Variants in EXOC5 observed in about 807,000 individuals in gnomAD.
The protein encoded by EXOC5 is SEC10-like 1.
A neutral mutation model predicts 90.8 loss-of-function variants in EXOC5; 17 were observed. The ratio of observed to expected loss-of-function variants is 0.19; its 90% CI spans 0.13 to 0.28. The LOEUF (loss-of-function observed/expected upper bound fraction) is 0.28. Among genes scored for constraint, EXOC5 ranks in the 10% least tolerant of loss-of-function variants. The pLI is 1.00. For synonymous variants in EXOC5, 260 were observed against 270.0 expected (o/e 0.96, Z 0.36); for missense variants, 569 against 830.6 (o/e 0.69, Z 3.87).
In EXOC5 at chr14:57,232,733, T is replaced by G; in HGVS notation, c.872A>C (p.Gln291Pro). 6.5e-7 allele frequency: 1 copy of G among 1,529,808 alleles called. No homozygotes were observed. Among genetic ancestry groups the G allele is most frequent in the Non-Finnish European group, 9.0e-7 (1 of 1,116,610 alleles). 94.8% of individuals were successfully genotyped at this position (1,529,808 alleles called of 1,614,324 possible). ...ATCGGACTTCCTACATTCTTCTAACTGCTCTTTCACAAAACTCTAAAAGAA... is the reference window on the plus strand; with the variant it reads ...ATCGGACTTCCTACATTCTTCTAACGGCTCTTTCACAAAACTCTAAAAGAA... Reference protein sequence around the residue: ...EIKLQSFVKEQLEECRKSDAE... With the variant: ...EIKLQSFVKEPLEECRKSDAE... The change falls in exon 10 of 18, where the codon CAG (glutamine) becomes CCG (proline). Residue 291 changes from glutamine (Q) to proline (P), a missense_variant. This residue lies in a region of EXOC5 where 114 missense variants were observed against 111.2 expected (regional missense o/e 1.03). Transcript: ENST00000621441.
intron 1 of EXOC5, among the ~76,000 whole-genome samples, chr14:57,263,233 G>A (rs1884568908): frequency 6.6e-6 from 1 of 152,168 alleles, no homozygotes; most frequent in African/African-American, 2.4e-5. Flanking sequence ...ACCTTGGGAG[G>A]CCCTAGGTGG....
At position 57,247,653 on chromosome 14, in the gene EXOC5, G is replaced by A. The variant is rs372546615; in HGVS notation, c.87C>T (p.Gly29=). 101 of 1,570,316 alleles carry A rather than the reference G, an allele frequency of 6.4e-5. No individual in the cohort carries two copies. The highest frequency in any genetic ancestry group is 4.0e-4 in the Middle Eastern group (2 of 5,038). Residue 29 remains glycine (G), a synonymous_variant, in exon 2 of 18, where the codon GGC becomes GGT. Coordinates refer to ENST00000621441, the MANE Select transcript of EXOC5 (RefSeq NM_006544.4). ...CAAAAGCTTCAGGTCCACCTCTAGA[G>A]CCTCCTCCTGGGGTTCTCCATACAA... is the stretch of plus-strand genomic sequence containing the variant. The part of the protein sequence containing the change: ...ERLVWRTPGG[G]SRGGPEAFDP...
chr14:57,235,694 T>C lies in EXOC5; in HGVS notation c.669+17A>G. On this transcript the variant is annotated intron_variant, in intron 7 of 17. Transcript: ENST00000621441. Reference sequence around the variant, plus strand: ...CATAGCCTTGAACACTATTCATTTTTAATTCCTACTATTTACCTTAAAATG... The same window carrying C: ...CATAGCCTTGAACACTATTCATTTTCAATTCCTACTATTTACCTTAAAATG... The C allele has an allele frequency of 3.9e-6, 5 of 1,273,022 alleles. No individual in the cohort carries two copies. The highest frequency in any genetic ancestry group is 5.6e-6 in the Non-Finnish European group (5 of 894,280). 78.9% of individuals were successfully genotyped at this position (1,273,022 alleles called of 1,614,324 possible).
intron 1 of EXOC5, among the ~76,000 whole-genome samples, chr14:57,250,861 T>C (rs568677266): frequency 5.3e-5 from 8 of 152,354 alleles, no homozygotes; most frequent in African/African-American, 1.9e-4. Flanking sequence ...AGATCTACAA[T>C]GTTTTTCTTA....
chr14:57,237,259 T>C lies in EXOC5; in HGVS notation c.559+79A>G. 6.3e-6 allele frequency: 5 copies of C among 787,856 alleles called. No homozygotes were observed. The South Asian group carries it at 7.6e-5, about 12-fold the overall frequency. The allele number at this position is 787,856 out of a possible 1,614,324, so 48.8% of individuals were successfully genotyped here. ...AGGAAGATGACATTGTTCCTGCTTT[T>C]TCTCCTTTTGCTGTTTTATTTTTAC... On this transcript the variant is annotated intron_variant, in intron 6 of 17. Transcript: ENST00000621441.
In EXOC5 at chr14:57,201,201, GGGCAA is replaced by G. The variant is rs1456946749; in HGVS notation, c.*7403_*7407del. The G allele has an allele frequency of 6.6e-6, 1 of 151,950 alleles. No individual in the cohort carries two copies. Among genetic ancestry groups the G allele is most frequent in the African/African-American group, 2.4e-5 (1 of 41,346 alleles). The allele number at this position is 151,950 out of a possible 1,614,324, so 9.4% of individuals were successfully genotyped here. The stretch of plus-strand genomic sequence containing the variant: ...GGAGGAATGGCTGATTCCAGAGCTG[GGGCAA>G]GGCAAGTACAAGATGACCTTGGAAA... On this transcript the variant is annotated 3_prime_UTR_variant, in exon 18 of 18. Coordinates refer to ENST00000621441, the MANE Select transcript of EXOC5 (RefSeq NM_006544.4).
At chr14:57,220,488 C>A (rs989793249) in intron 13 of EXOC5, among the ~76,000 whole-genome samples, 2 of 151,902 alleles carry the variant, frequency 1.3e-5, no homozygotes, top group African/African-American at 4.8e-5. Flanking sequence ...ACAAACAGTC[C>A]AGCAGCGGCA....
At chr14:57,224,924 T>C (rs1182255716) in intron 12 of EXOC5, among the ~76,000 whole-genome samples, 2 of 151,912 alleles carry the variant, frequency 1.3e-5, no homozygotes, top group African/African-American at 2.4e-5. Flanking sequence ...CAGCCGGGCA[T>C]GGTGGTGGGC....
At chr14:57,263,342 T>C (rs1451357447) in intron 1 of EXOC5, among the ~76,000 whole-genome samples, 2 of 151,962 alleles carry the variant, frequency 1.3e-5, no homozygotes, top group South Asian at 2.1e-4. Flanking sequence ...TGGTGGCACA[T>C]GCCTGTAGTC....
chr14:57,205,844 TC>T lies in EXOC5; in HGVS notation c.*2764del. On this transcript the variant is annotated 3_prime_UTR_variant, in exon 18 of 18. Coordinates refer to ENST00000621441, the MANE Select transcript of EXOC5 (RefSeq NM_006544.4). ...TGATAGTTTTTTAAAACAAGGAAGATCCTAAGGACTTGCAACTATGGCAATC... is the reference window on the plus strand; with the variant it reads ...TGATAGTTTTTTAAAACAAGGAAGATCTAAGGACTTGCAACTATGGCAATC... 2.2e-6 allele frequency: 1 copy of T among 454,474 alleles called. No homozygotes were observed. The highest frequency in any genetic ancestry group is 4.4e-6 in the Non-Finnish European group (1 of 226,292). 28.2% of individuals were successfully genotyped at this position (454,474 alleles called of 1,614,324 possible). A position where few individuals can be genotyped will look rare whatever the true frequency, so the allele number is the denominator to read the frequency against.
At chr14:57,219,671 C>T (rs1891559926) in intron 13 of EXOC5, among the ~76,000 whole-genome samples, 2 of 152,080 alleles carry the variant, frequency 1.3e-5, no homozygotes, top group Admixed American at 1.3e-4. Flanking sequence ...TCTACTTAGC[C>T]TTCATGATTC....
chr14:57,201,568 TTATATATATATA>T lies in EXOC5; in HGVS notation c.*7029_*7040del, dbSNP rs71104542. On this transcript the variant is annotated 3_prime_UTR_variant, in exon 18 of 18. Coordinates refer to ENST00000621441, the MANE Select transcript of EXOC5 (RefSeq NM_006544.4). The stretch of plus-strand genomic sequence containing the variant: ...ACATATATTTTTATATATATTAATA[TTATATATATATA>T]TATATATATATATATAAAGGATGGC... The T allele has an allele frequency of 3.2e-5, 3 of 93,404 alleles. No individual in the cohort carries two copies. The highest frequency in any genetic ancestry group is 7.4e-5 in the African/African-American group (1 of 13,520). The allele number at this position is 93,404 out of a possible 1,614,324, so 5.8% of individuals were successfully genotyped here. A position where few individuals can be genotyped will look rare whatever the true frequency, so the allele number is the denominator to read the frequency against.
In EXOC5 at chr14:57,208,996, A is replaced by C. The variant is rs1160897602; in HGVS notation, c.1939-199T>G. On this transcript the variant is annotated intron_variant, in intron 17 of 17. Coordinates refer to ENST00000621441, the MANE Select transcript of EXOC5 (RefSeq NM_006544.4). ...AATAAACTTGCTATAATATTTCAAA[A>C]AGATTCATGTGTCAATTCTCTTCAA... 2.0e-5 allele frequency among the ~76,000 whole-genome samples: 3 copies of C among 152,328 alleles called. No homozygotes were observed. In the East Asian group the frequency reaches 5.8e-4, roughly 29 times the overall value.
intron 1 of EXOC5, among the ~76,000 whole-genome samples, chr14:57,249,950 T>G (rs1884140936): frequency 6.6e-6 from 1 of 152,076 alleles, no homozygotes; most frequent in African/African-American, 2.4e-5. Flanking sequence ...TTTTGTAGTT[T>G]TAGTAGAAAC....
intron 1 of EXOC5, among the ~76,000 whole-genome samples, chr14:57,250,371 G>C (rs1432012842): frequency 2.0e-5 from 3 of 152,086 alleles, no homozygotes; most frequent in African/African-American, 7.2e-5. Context: ...AAAAGGCCAG[G>C]TTCTCAAGAA....
chr14:57,264,522 T>C (rs1884612057), intron 1 of EXOC5, among the ~76,000 whole-genome samples: 1 of 152,150 alleles, frequency 6.6e-6, no homozygotes, highest in South Asian at 2.1e-4. Flanking sequence ...AAAAATGAAA[T>C]TTTAATCCTG....
chr14:57,207,004 C>G lies in EXOC5; in HGVS notation c.*1605G>C, dbSNP rs772414226. The G allele has an allele frequency of 6.6e-6, 1 of 152,412 alleles. No individual in the cohort carries two copies. Among genetic ancestry groups the G allele is most frequent in the Middle Eastern group, 3.2e-3 (1 of 316 alleles). 9.4% of individuals were successfully genotyped at this position (152,412 alleles called of 1,614,324 possible). On this transcript the variant is annotated 3_prime_UTR_variant, in exon 18 of 18. Coordinates refer to ENST00000621441, the MANE Select transcript of EXOC5 (RefSeq NM_006544.4). ...CAATAGTACAAGCAAATGACTTTCT[C>G]TAGTATCCAAAACCTGCGCTGGCTC... is the stretch of plus-strand genomic sequence containing the variant.
intron 5 of EXOC5, 78 bp from the exon 6 acceptor site, chr14:57,237,444 G>C (rs554198305): frequency 1.0e-5 from 9 of 867,824 alleles, no homozygotes; most frequent in African/African-American, 1.7e-5. Flanking sequence ...TAACCAAATG[G>C]GAAACTGGGT....
intron 1 of EXOC5, among the ~76,000 whole-genome samples, chr14:57,248,543 G>T (rs1023739901): frequency 2.6e-5 from 4 of 151,796 alleles, no homozygotes; most frequent in African/African-American, 9.7e-5. Flanking sequence ...TTTAAAAAAG[G>T]ATATTAGAGA....
Sources: allele counts gnomAD v4.1 joint callset (sites outside exome capture counted in the v4.1 genomes callset), GRCh38; gene constraint gnomAD v4.1.1; regional missense constraint gnomAD v4.1.1; transcripts MANE v1.5; gene names NCBI Gene and HGNC (gene_info 2026-07-23, HGNC 2026-07-21).